TCTN1: variants seen among roughly 807,000 people sequenced by gnomAD.
TCTN1 encodes the protein tectonic family member 1.
Under a neutral mutation model 65.8 loss-of-function variants are expected in TCTN1, and 58 were observed. The ratio of observed to expected loss-of-function variants is 0.88; its 90% confidence interval spans 0.71 to 1.10. TCTN1 has a LOEUF of 1.10. Among genes scored for constraint, TCTN1 ranks in the 50% least tolerant of loss-of-function variants. The pLI, the probability that TCTN1 is intolerant of heterozygous loss-of-function variation, is 0.00. For missense variants in TCTN1, 645 were observed against 719.4 expected (o/e 0.90, Z 1.18); for synonymous variants, 273 against 289.1 (o/e 0.94, Z 0.57).
intron 1 of TCTN1, 124 bp from the exon 2 acceptor site, chr12:110,619,712 G>C: frequency 2.0e-6 from 3 of 1,484,748 alleles, no homozygotes; most frequent in Non-Finnish European, 2.8e-6. Flanking sequence ...TTCCCCCAAA[G>C]TGCAATAGGA....
At chr12:110,620,330 C>T (rs1455266743) in intron 2 of TCTN1, among the ~76,000 whole-genome samples, 1 of 152,016 alleles carries the variant, frequency 6.6e-6, no homozygotes, top group East Asian at 1.9e-4. Context: ...ATGGCGTGAA[C>T]CCGGGAGGCA....
intron 10 of TCTN1, chr12:110,641,949 A>G (rs2066987389): frequency 1.8e-6 from 1 of 554,612 alleles, no homozygotes; most frequent in Non-Finnish European, 3.2e-6. Flanking sequence ...TAAGAGAGAA[A>G]AGTTGACATT....
intron 13 of TCTN1, 81 bp from the exon 14 acceptor site, chr12:110,647,668 G>GA (rs776090456): frequency 6.3e-7 from 1 of 1,597,276 alleles, no homozygotes; most frequent in South Asian, 1.1e-5. Context: ...GTTGGGTGAG[G>GA]AAGAGAATGA....
chr12:110,627,502 T>C (rs977982402), intron 3 of TCTN1, among the ~76,000 whole-genome samples: 4 of 152,244 alleles, frequency 2.6e-5, no homozygotes, highest in African/African-American at 9.6e-5. Flanking sequence ...CCTGTGGGCA[T>C]GCACATTTTC....
At chr12:110,619,447 G>C (rs1202741164) in intron 1 of TCTN1, among the ~76,000 whole-genome samples, 1 of 152,168 alleles carries the variant, frequency 6.6e-6, no homozygotes, top group Non-Finnish European at 1.5e-5. Flanking sequence ...TAAGGACTTT[G>C]GAGTTTTAAA....
intron 1 of TCTN1, among the ~76,000 whole-genome samples, chr12:110,617,171 G>A (rs919745718): frequency 5.9e-5 from 9 of 152,248 alleles, no homozygotes; most frequent in African/African-American, 1.9e-4. Context: ...GCGTGCATAA[G>A]TTGTGTCATT....
At chr12:110,630,311 A>C (rs1454749402) in intron 4 of TCTN1, 1 of 152,188 alleles carries the variant, frequency 6.6e-6, no homozygotes, top group African/African-American at 2.4e-5. Context: ...GTCTCTTCAG[A>C]GTTCTTTGTT....
At chr12:110,618,030 C>T (rs562632828) in intron 1 of TCTN1, among the ~76,000 whole-genome samples, 1 of 151,110 alleles carries the variant, frequency 6.6e-6, no homozygotes, top group East Asian at 1.9e-4. Context: ...GCAGCATTTG[C>T]TTCAGATTCC....
intron 1 of TCTN1, among the ~76,000 whole-genome samples, chr12:110,617,218 A>G (rs1327329028): frequency 6.6e-6 from 1 of 152,220 alleles, no homozygotes; most frequent in African/African-American, 2.4e-5. Context: ...ACTAGAGAGA[A>G]GCACTGTAAA....
Position 110,614,294 on chromosome 12 carries a change from A to T in TCTN1, c.112A>T (p.Thr38Ser). ...PAVTTEGLNS[T>S]EAALATFGTF... is the part of the protein sequence containing the mutation. ...GGTGACGACAGAGGGCCTCAACTCC[A>T]CCGAGGCAGCCCTGGCCACCTTCGG... Residue 38 changes from threonine to serine, a missense_variant, in exon 1 of 15, where the codon ACC (threonine) becomes TCC (serine). Thr to Ser is a moderately conservative substitution (Grantham distance 58). Coordinates refer to ENST00000397659, the MANE Select transcript of TCTN1 (RefSeq NM_001082538.3). 3.8e-6 allele frequency: 6 copies of T among 1,598,908 alleles called. No homozygotes were observed. Among genetic ancestry groups the T allele is most frequent in the African/African-American group, 1.3e-5 (1 of 74,886 alleles).
chr12:110,628,845 G>A lies in TCTN1; in HGVS notation c.551G>A (p.Gly184Asp). 2 of 1,613,452 alleles carry A rather than the reference G, an allele frequency of 1.2e-6. No homozygotes were observed. Among genetic ancestry groups the A allele is most frequent in the Non-Finnish European group, 1.7e-6 (2 of 1,179,746 alleles). The stretch of plus-strand genomic sequence containing the variant: ...GATACATTGATGAAAACATCTGATG[G>A]TTTTACATTGAATGCTGAATCATAT... ...NFDTLMKTSD[G>D]FTLNAESYVS... is the part of the protein sequence containing the mutation. The change falls in exon 4 of 15, where the codon GGT becomes GAT. Residue 184 changes from glycine (G) to aspartate (D), a missense_variant. Gly to Asp is a moderately conservative substitution (Grantham distance 94, BLOSUM62 -1). Coordinates refer to ENST00000397659, the MANE Select transcript of TCTN1 (RefSeq NM_001082538.3).
Position 110,640,500 on chromosome 12 carries a change from G to A in TCTN1, c.961G>A (p.Val321Met), listed in dbSNP as rs750568641. The change falls in exon 8 of 15, where the codon GTG (valine) becomes ATG (methionine). Residue 321 changes from valine to methionine, a missense_variant. Physicochemically the swap from Val to Met is conservative, Grantham distance 21. Coordinates refer to ENST00000397659, the MANE Select transcript of TCTN1 (RefSeq NM_001082538.3). The surrounding 1 kb of genome is among the most constrained non-coding windows in gnomAD (Gnocchi z 4.9). ...CAACGCTGGACACTTTAGCCTTTGC[G>A]TGAATGTTGTTCTTGAGGTAGGTGC... is the stretch of plus-strand genomic sequence containing the variant. ...LVNAGHFSLCVNVVLEVKYSL... is the reference protein window; with the variant it reads ...LVNAGHFSLCMNVVLEVKYSL... The A allele has an allele frequency of 6.8e-6, 11 of 1,614,242 alleles. No individual in the cohort carries two copies. The highest frequency in any genetic ancestry group is 1.6e-4 in the Middle Eastern group (1 of 6,062).
At chr12:110,647,040 A>T in intron 12 of TCTN1, 156 bp from the exon 13 acceptor site, 1 of 831,494 alleles carries the variant, frequency 1.2e-6, no homozygotes, top group Non-Finnish European at 1.9e-6. Context: ...ACTTTAAAAC[A>T]CGTATATTCT....
chr12:110,645,098 T>A lies in TCTN1; in HGVS notation c.1463T>A (p.Ile488Asn). 2 of 1,614,090 alleles carry A rather than the reference T, an allele frequency of 1.2e-6. No individual in the cohort carries two copies. The highest frequency in any genetic ancestry group is 2.2e-5 in the South Asian group (2 of 91,072). Reference protein sequence around the residue: ...QAQDMLDWVPIHFITQSFNRK... With the variant: ...QAQDMLDWVPNHFITQSFNRK... ...CAGGACATGCTGGACTGGGTGCCCA[T>A]CCACTTCATCACCCAGTCATTCAAC... is the stretch of plus-strand genomic sequence containing the variant. The change falls in exon 12 of 15, where the codon ATC becomes AAC. Residue 488 changes from isoleucine (I) to asparagine (N), a missense_variant. Ile to Asn is a moderately radical substitution (Grantham distance 149, BLOSUM62 -3). Coordinates refer to ENST00000397659, the MANE Select transcript of TCTN1 (RefSeq NM_001082538.3).
Position 110,639,460 on chromosome 12 carries a change from G to A in TCTN1, c.844-923G>A, listed in dbSNP as rs1429620514. On this transcript the variant is annotated intron_variant, in intron 7 of 14. Coordinates refer to ENST00000397659, the MANE Select transcript of TCTN1 (RefSeq NM_001082538.3). The surrounding 1 kb of genome is among the most constrained non-coding windows in gnomAD (Gnocchi z 4.9). ...CCACTGTGTGTGTGTGTGTGTGTGTGTATGTGTGTGTGAGCGTGCTTGCGC... is the reference window on the plus strand; with the variant it reads ...CCACTGTGTGTGTGTGTGTGTGTGTATATGTGTGTGTGAGCGTGCTTGCGC... 3.3e-5 allele frequency among the ~76,000 whole-genome samples: 5 copies of A among 152,058 alleles called. No homozygotes were observed. The highest frequency in any genetic ancestry group is 2.6e-4 in the Admixed American group (4 of 15,266).
At chr12:110,645,358 TAGTG>T (rs1170967805) in intron 12 of TCTN1, 3 of 559,092 alleles carry the variant, frequency 5.4e-6, no homozygotes, top group African/African-American at 1.9e-5. Flanking sequence ...CGCTAGTCAA[TAGTG>T]AGTGAATGGC....
In TCTN1 at chr12:110,632,481, C is replaced by G. The variant is rs2066299919; in HGVS notation, c.634C>G (p.Pro212Ala). 1 of 1,613,934 alleles carries G rather than the reference C, an allele frequency of 6.2e-7. No homozygotes were observed. Among genetic ancestry groups the G allele is most frequent in the Non-Finnish European group, 8.5e-7 (1 of 1,179,902 alleles). ...PTAAKYEYGV[P>A]LQTSDSFLRF... ...GTTGTTGTGTTTGCAGTATGGGGTT[C>G]CTCTGCAGACTTCAGATTCGTTTCT... Residue 212 changes from proline to alanine, a missense_variant, in exon 5 of 15, where the codon CCT (proline) becomes GCT (alanine). Pro to Ala is a conservative substitution (Grantham distance 27). Transcript: ENST00000397659.
At chr12:110,623,065 G>C (rs747702738) in intron 2 of TCTN1, among the ~76,000 whole-genome samples, 4 of 152,126 alleles carry the variant, frequency 2.6e-5, no homozygotes, top group Admixed American at 2.6e-4. Context: ...TCTAGCCCTC[G>C]TGGTCGTCCA....
rs2067142724 is a variant in TCTN1, at chr12:110,644,089, G to C, written c.1332-878G>C. Reference sequence around the variant, plus strand: ...GGTAGGTCTGTGGTCCAATACGTTTGGGAAACACCAAATTAAAGTTAAAAC... The same window carrying C: ...GGTAGGTCTGTGGTCCAATACGTTTCGGAAACACCAAATTAAAGTTAAAAC... On this transcript the variant is annotated intron_variant, in intron 11 of 14. Transcript: ENST00000397659. The surrounding 1 kb of genome is among the most constrained non-coding windows in gnomAD (Gnocchi z 4.6). 6.6e-6 allele frequency: 1 copy of C among 152,154 alleles called. No individual in the cohort carries two copies. The highest frequency in any genetic ancestry group is 1.5e-5 in the Non-Finnish European group (1 of 68,030). The allele number at this position is 152,154 out of a possible 1,614,324, so 9.4% of individuals were successfully genotyped here.
Sources: gnomAD v4.1 joint callset for allele counts (sites outside exome capture counted in the v4.1 genomes callset) on GRCh38, gnomAD v4.1.1 for gene constraint, Gnocchi (gnomAD v3.1) non-coding constraint, MANE v1.5 for transcripts, NCBI Gene and HGNC (gene_info 2026-07-23, HGNC 2026-07-21) for gene names.